Variants in HYDIN observed in about 807,000 individuals in gnomAD.
HYDIN encodes HYDIN axonemal central pair apparatus protein.
A neutral mutation model predicts 403.9 loss-of-function variants in HYDIN; 132 were observed. The ratio of observed to expected loss-of-function variants is 0.33; its 90% CI spans 0.28 to 0.38. The LOEUF is 0.38. HYDIN is among the 10% of genes least tolerant of loss of function. The pLI is 1.00. For missense variants in HYDIN, 2,827 were observed against 5,009.5 expected (o/e 0.56, Z 13.15); for synonymous variants, 1,202 against 1,891.7 (o/e 0.64, Z 9.46).
At chr16:71,064,671 A>C (rs747716441) in intron 16 of HYDIN, 34 bp downstream of exon 16, 3 of 1,574,954 alleles carry the variant, frequency 1.9e-6, no homozygotes, top group Non-Finnish European at 1.7e-6. Context: ...CAATGGAAGA[A>C]TAATTAATAC....
intron 80 of HYDIN, among the ~76,000 whole-genome samples, chr16:70,831,155 G>A (rs987512662): frequency 1.3e-5 from 2 of 151,042 alleles, no homozygotes; most frequent in African/African-American, 4.9e-5. Flanking sequence ...AAGAAATGAT[G>A]GTATGTAGAC....
chr16:71,217,477 C>T (rs1259860952), intron 1 of HYDIN, among the ~76,000 whole-genome samples: 4 of 152,178 alleles, frequency 2.6e-5, no homozygotes, highest in Non-Finnish European at 5.9e-5. Context: ...AATTTCACTT[C>T]TGAACAAAAC....
At chr16:70,931,840 T>G (rs1429213687) in intron 45 of HYDIN, among the ~76,000 whole-genome samples, 15 of 133,654 alleles carry the variant, frequency 1.1e-4, no homozygotes, top group Middle Eastern at 5.1e-3. Flanking sequence ...TATGGTGAAA[T>G]CCTGTCTCTA....
chr16:70,888,035 T>C (rs981860164), intron 58 of HYDIN, among the ~76,000 whole-genome samples: 3 of 152,236 alleles, frequency 2.0e-5, no homozygotes, highest in Admixed American at 6.5e-5. Context: ...AGCCCATCCA[T>C]TGAGTTCTAA....
chr16:71,116,504 T>C (rs1396022074), intron 9 of HYDIN, among the ~76,000 whole-genome samples: 3 of 152,062 alleles, frequency 2.0e-5, no homozygotes, highest in African/African-American at 7.2e-5. Context: ...GGTGCAGAGC[T>C]CTCTTCGAGA....
At chr16:71,154,168 TAC>T (rs2085659985) in intron 6 of HYDIN, among the ~76,000 whole-genome samples, 1 of 147,424 alleles carries the variant, frequency 6.8e-6, no homozygotes, top group Non-Finnish European at 1.5e-5. Flanking sequence ...CTGAGAGTAT[TAC>T]TACAGGACCT....
intron 13 of HYDIN, chr16:71,076,120 A>C (rs1187342277): frequency 5.8e-6 from 1 of 172,140 alleles, no homozygotes; most frequent in Non-Finnish European, 1.3e-5. Flanking sequence ...GCAAAAGGCC[A>C]GGCAACCATA....
At chr16:70,842,226 G>A (rs1283570065) in intron 75 of HYDIN, among the ~76,000 whole-genome samples, 2 of 151,820 alleles carry the variant, frequency 1.3e-5, no homozygotes, top group South Asian at 4.1e-4. Flanking sequence ...TGCTATTCAA[G>A]TCTTCTTATT....
chr16:71,094,777 T>C (rs1178731574), intron 10 of HYDIN, among the ~76,000 whole-genome samples: 1 of 152,222 alleles, frequency 6.6e-6, no homozygotes, highest in Non-Finnish European at 1.5e-5. Context: ...GACAAACCAA[T>C]GTGCCTTCTG....
rs1201880342 is a variant in HYDIN, at chr16:71,079,790, T to C, written c.1738+95A>G. 6.6e-6 allele frequency: 4 copies of C among 602,938 alleles called. No homozygotes were observed. The East Asian group carries it at 1.1e-4, about 17-fold the overall frequency. 37.3% of individuals were successfully genotyped at this position (602,938 alleles called of 1,614,324 possible). On this transcript the variant is annotated intron_variant, in intron 13 of 85. Coordinates refer to ENST00000393567, the MANE Select transcript of HYDIN (RefSeq NM_001270974.2). ...CCTTGTGCTGGACTTCCTATTCCAG[T>C]GCTGTGGAACGGGGGTTCTTTGTAA...
chr16:71,165,270 A>G (rs1293438420), intron 5 of HYDIN, among the ~76,000 whole-genome samples: 1 of 151,526 alleles, frequency 6.6e-6, no homozygotes, highest in East Asian at 1.9e-4. Flanking sequence ...CTGCAGCCAC[A>G]GGTTTCCCCT....
At chr16:71,228,053 A>G (rs1485536461) in intron 1 of HYDIN, among the ~76,000 whole-genome samples, 14 of 152,122 alleles carry the variant, frequency 9.2e-5, no homozygotes, top group South Asian at 2.1e-4. Flanking sequence ...AAAAACAAGA[A>G]ATGGGGAAAG....
chr16:71,175,624 T>G lies in HYDIN; in HGVS notation c.499A>C (p.Thr167Pro), dbSNP rs747074358. 3.7e-6 allele frequency: 6 copies of G among 1,614,028 alleles called. No individual in the cohort carries two copies. The African/African-American group carries it at 8.0e-5, about 22-fold the overall frequency. Residue 167 changes from threonine (T) to proline (P), a missense_variant, in exon 5 of 86, where the codon ACT becomes CCT. Transcript: ENST00000393567. Reference sequence around the variant, plus strand: ...GGTATTACCTTGTTCTCCTCTGGAGTAAAGAGGATTCGGAATATGGAAGGC... The same window carrying G: ...GGTATTACCTTGTTCTCCTCTGGAGGAAAGAGGATTCGGAATATGGAAGGC... ...GVPSIFRILFTPEENKDYAHT... is the reference protein window; with the variant it reads ...GVPSIFRILFPPEENKDYAHT...
intron 85 of HYDIN, among the ~76,000 whole-genome samples, chr16:70,809,133 C>T (rs1254786124): frequency 6.6e-6 from 1 of 152,164 alleles, no homozygotes; most frequent in East Asian, 1.9e-4. Context: ...CCAGGCTGGT[C>T]TTCAACTCCT....
intron 25 of HYDIN, among the ~76,000 whole-genome samples, chr16:70,990,252 G>A (rs914296851): frequency 2.3e-4 from 34 of 148,922 alleles, no homozygotes; most frequent in Non-Finnish European, 4.3e-4. Flanking sequence ...AAAATTAGCC[G>A]GGCATGATGG....
Position 71,228,372 on chromosome 16 carries a change from G to A in HYDIN, c.-24+2190C>T, listed in dbSNP as rs1443930392. ...AAGAAACTACCATCAGAGTGAACAG[G>A]CAACCTACAGAATGGGAGAAAATTT... On this transcript the variant is annotated intron_variant, in intron 1 of 85. Transcript: ENST00000393567. 2.6e-5 allele frequency among the ~76,000 whole-genome samples: 4 copies of A among 152,104 alleles called. No homozygotes were observed. In the East Asian group the frequency reaches 7.7e-4, roughly 29 times the overall value.
intron 5 of HYDIN, among the ~76,000 whole-genome samples, chr16:71,167,230 C>T (rs2086269565): frequency 6.6e-6 from 1 of 152,106 alleles, no homozygotes; most frequent in Non-Finnish European, 1.5e-5. Context: ...GCACTAAGCA[C>T]ACTTGATCTT....
intron 10 of HYDIN, among the ~76,000 whole-genome samples, chr16:71,100,131 T>C (rs1246599369): frequency 1.3e-5 from 2 of 152,162 alleles, no homozygotes; most frequent in Non-Finnish European, 2.9e-5. Context: ...CTATTTATAA[T>C]AGCAACAAAA....
chr16:71,061,902 G>A (rs866577483), intron 17 of HYDIN, among the ~76,000 whole-genome samples: 91 of 147,876 alleles, frequency 6.2e-4, no homozygotes, highest in Admixed American at 1.9e-3. Context: ...GTGTCAGAGA[G>A]AGAGAGAGAG....
Sources: allele counts gnomAD v4.1 joint callset (sites outside exome capture counted in the v4.1 genomes callset), GRCh38; gene constraint gnomAD v4.1.1; transcripts MANE v1.5; gene names NCBI Gene and HGNC (gene_info 2026-07-23, HGNC 2026-07-21).